FBXL7: variants seen among roughly 807,000 people sequenced by gnomAD.
FBXL7 encodes the protein F-box/LRR-repeat protein 7.
In FBXL7, 12 loss-of-function variants were observed where a neutral mutation model predicts 38.3. That is an observed-to-expected ratio of 0.31 (90% CI 0.20 to 0.51). FBXL7 has a LOEUF of 0.51. FBXL7 is among the 20% of genes least tolerant of loss of function. FBXL7 has a pLI of 0.98. For missense variants in FBXL7, 567 were observed against 676.4 expected, an observed-to-expected ratio of 0.84 and a Z score of 1.79; for synonymous variants, 297 against 300.9, an observed-to-expected ratio of 0.99 and a Z score of 0.13.
chr5:15,634,111 A>G (rs190676426), intron 2 of FBXL7, among the ~76,000 whole-genome samples: 149 of 152,100 alleles, frequency 9.8e-4, no homozygotes, highest in African/African-American at 3.4e-3. Context: ...TCTCAAAAAT[A>G]AATTACATTC....
At chr5:15,901,994 A>T (rs912522314) in intron 2 of FBXL7, among the ~76,000 whole-genome samples, 4 of 152,114 alleles carry the variant, frequency 2.6e-5, no homozygotes, top group Non-Finnish European at 5.9e-5. Context: ...TGGCCAGAAA[A>T]CTTGCATATA....
chr5:15,936,514 T>C lies in FBXL7; in HGVS notation c.804T>C (p.His268=). 2 of 1,613,598 alleles carry C rather than the reference T, an allele frequency of 1.2e-6. No individual in the cohort carries two copies. The highest frequency in any genetic ancestry group is 8.5e-7 in the Non-Finnish European group (1 of 1,179,900). The stretch of plus-strand genomic sequence containing the variant: ...CCTCCATTAAACTGTCACCCTTGCA[T>C]GGCAAACAGATTTCCATCCGCTACC... The part of the protein sequence containing the change: ...REASIKLSPL[H]GKQISIRYLD... The change falls in exon 4 of 4, where the codon CAT becomes CAC. Residue 268 remains histidine (H), a synonymous_variant. Transcript: ENST00000504595. The surrounding 1 kb of genome is among the most constrained non-coding windows in gnomAD (Gnocchi z 6.0).
At position 15,936,608 on chromosome 5, in the gene FBXL7, C is replaced by G. The variant is rs1343118792; in HGVS notation, c.898C>G (p.Leu300Val). 6.2e-7 allele frequency: 1 copy of G among 1,610,632 alleles called. No individual in the cohort carries two copies. Among genetic ancestry groups the G allele is most frequent in the Non-Finnish European group, 8.5e-7 (1 of 1,179,858 alleles). The change falls in exon 4 of 4, where the codon CTC (leucine) becomes GTC (valine). Residue 300 changes from leucine (L) to valine (V), a missense_variant. By Grantham distance (32) the Leu-to-Val change is conservative. Coordinates refer to ENST00000504595, the MANE Select transcript of FBXL7 (RefSeq NM_012304.5). This position sits in a 1 kb window ranked among gnomAD's most constrained non-coding sequence, Gnocchi z 6.0. ...LHTIAAHCTQ[L>V]THLYLRRCVR... ...CACCATCGCGGCGCACTGCACGCAG[C>G]TCACCCACCTCTACCTGCGCCGCTG...
intron 2 of FBXL7, among the ~76,000 whole-genome samples, chr5:15,786,161 A>G (rs1296704071): frequency 2.0e-5 from 3 of 152,172 alleles, no homozygotes; most frequent in Non-Finnish European, 4.4e-5. Context: ...ACACTCCAGG[A>G]TAGGCGTTTC....
At chr5:15,847,581 GACCTATGCATA>G (rs1738948806) in intron 2 of FBXL7, among the ~76,000 whole-genome samples, 1 of 152,082 alleles carries the variant, frequency 6.6e-6, no homozygotes, top group East Asian at 1.9e-4. Flanking sequence ...GGGCAAGCAA[GACCTATGCATA>G]TGAAAGAATT....
chr5:15,882,642 G>A (rs1323241952), intron 2 of FBXL7, among the ~76,000 whole-genome samples: 1 of 152,202 alleles, frequency 6.6e-6, no homozygotes, highest in Non-Finnish European at 1.5e-5. Flanking sequence ...GAGGAAGGGA[G>A]TATCAACAAT....
At chr5:15,660,255 A>G (rs1372414611) in intron 2 of FBXL7, among the ~76,000 whole-genome samples, 7 of 152,228 alleles carry the variant, frequency 4.6e-5, no homozygotes, top group African/African-American at 1.7e-4. Flanking sequence ...ACTTTTTCTC[A>G]AAGAAAGTGG....
At chr5:15,807,472 C>G (rs1737744681) in intron 2 of FBXL7, among the ~76,000 whole-genome samples, 1 of 152,128 alleles carries the variant, frequency 6.6e-6, no homozygotes, top group South Asian at 2.1e-4. Flanking sequence ...AAGCCAGAAG[C>G]CATCCCCGCT....
chr5:15,741,256 C>G (rs1735886209), intron 2 of FBXL7, among the ~76,000 whole-genome samples: 1 of 152,130 alleles, frequency 6.6e-6, no homozygotes, highest in Admixed American at 6.5e-5. Context: ...TCTTCACAGT[C>G]ACATAGACAC....
At chr5:15,919,815 A>G (rs1741692355) in intron 2 of FBXL7, among the ~76,000 whole-genome samples, 2 of 152,184 alleles carry the variant, frequency 1.3e-5, no homozygotes, top group South Asian at 4.1e-4. Flanking sequence ...ATTCTTTACC[A>G]TGCTGGGTTT....
Position 15,517,306 on chromosome 5 carries a change from C to G in FBXL7, c.37+16593C>G, listed in dbSNP as rs142707011. On this transcript the variant is annotated intron_variant, in intron 1 of 3. Coordinates refer to ENST00000504595, the MANE Select transcript of FBXL7 (RefSeq NM_012304.5). Reference sequence around the variant, plus strand: ...GTTTTTGACTTAAGGGGCCCACAGTCTGGTGGGTAGAAACTAATAAAGTAC... The same window carrying G: ...GTTTTTGACTTAAGGGGCCCACAGTGTGGTGGGTAGAAACTAATAAAGTAC... Among the ~76,000 whole-genome samples the G allele has an allele frequency of 2.0e-5, 3 of 152,298 alleles. No homozygotes were observed. The East Asian group carries it at 5.8e-4, about 29-fold the overall frequency.
intron 2 of FBXL7, among the ~76,000 whole-genome samples, chr5:15,677,725 C>T (rs17523562): frequency 0.16 from 23,884 of 152,052 alleles, 1,980 homozygotes; most frequent in Middle Eastern, 0.18. Context: ...AATAACATGT[C>T]TCAGGATATA....
intron 2 of FBXL7, among the ~76,000 whole-genome samples, chr5:15,766,530 T>A (rs1206209591): frequency 6.6e-6 from 1 of 152,212 alleles, no homozygotes; most frequent in Non-Finnish European, 1.5e-5. Flanking sequence ...GAATATAAGT[T>A]AGTAGCCAGG....
intron 1 of FBXL7, among the ~76,000 whole-genome samples, chr5:15,535,061 C>A (rs895407137): frequency 1.3e-5 from 2 of 152,200 alleles, no homozygotes; most frequent in Non-Finnish European, 2.9e-5. Context: ...CACTCTCTCT[C>A]CCTATCCTTG....
chr5:15,573,584 T>A (rs1011322395), intron 1 of FBXL7, among the ~76,000 whole-genome samples: 3 of 152,206 alleles, frequency 2.0e-5, no homozygotes, highest in Non-Finnish European at 1.5e-5. Context: ...GAAGGCAGTG[T>A]AGAAGTCACA....
chr5:15,848,583 C>T lies in FBXL7; in HGVS notation c.128-79307C>T, dbSNP rs370464317. 8.9e-4 allele frequency among the ~76,000 whole-genome samples: 136 copies of T among 152,190 alleles called. 1 individual carries two copies. The highest frequency in any genetic ancestry group is 3.2e-3 in the African/African-American group (131 of 41,528). ...TTTTAGTAGAGATGGGGTTTCACCACGTTAGCCAGGCTAGTCTTGAAATCC... is the reference window on the plus strand; with the variant it reads ...TTTTAGTAGAGATGGGGTTTCACCATGTTAGCCAGGCTAGTCTTGAAATCC... On this transcript the variant is annotated intron_variant, in intron 2 of 3. Coordinates refer to ENST00000504595, the MANE Select transcript of FBXL7 (RefSeq NM_012304.5).
chr5:15,874,141 T>C (rs1740096882), intron 2 of FBXL7, among the ~76,000 whole-genome samples: 1 of 151,998 alleles, frequency 6.6e-6, no homozygotes, highest in Admixed American at 6.6e-5. Flanking sequence ...ACGTAATCCA[T>C]CACATAAACA....
intron 2 of FBXL7, among the ~76,000 whole-genome samples, chr5:15,912,448 C>A (rs369186381): frequency 1.4e-5 from 2 of 146,934 alleles, no homozygotes; most frequent in Non-Finnish European, 3.0e-5. Flanking sequence ...GAGATGAACC[C>A]GGTACCTCAG....
At chr5:15,918,108 G>A (rs957255785) in intron 2 of FBXL7, among the ~76,000 whole-genome samples, 2 of 152,018 alleles carry the variant, frequency 1.3e-5, no homozygotes, top group African/African-American at 4.8e-5. Flanking sequence ...GCATGGTGGT[G>A]TGCGCCTATA....
Sources: allele counts gnomAD v4.1 joint callset (sites outside exome capture counted in the v4.1 genomes callset), GRCh38; gene constraint gnomAD v4.1.1; non-coding constraint Gnocchi (gnomAD v3.1); transcripts MANE v1.5; gene names NCBI Gene and HGNC (gene_info 2026-07-23, HGNC 2026-07-21).